IGF2R: variants seen among roughly 807,000 people sequenced by gnomAD.
IGF2R encodes the protein cation-independent mannose-6-phosphate receptor.
In IGF2R, 91 loss-of-function variants were observed where a neutral mutation model predicts 270.6. The ratio of observed to expected loss-of-function variants is 0.34; its 90% CI spans 0.28 to 0.40. The LOEUF (loss-of-function observed/expected upper bound fraction) is 0.40, where lower values mean the gene tolerates loss of function less well. Ranked by LOEUF, IGF2R falls within the 10% of genes least tolerant of loss-of-function variation. The pLI, the probability that IGF2R is intolerant of heterozygous loss-of-function variation, is 1.00. For missense variants in IGF2R, 2,805 were observed against 3,188.3 expected (o/e 0.88, Z 2.90); for synonymous variants, 1,316 against 1,258.9 (o/e 1.05, Z -0.96).
At position 159,994,222 on chromosome 6, in the gene IGF2R, G is replaced by A. The variant is rs1784019483; in HGVS notation, c.289+2899G>A. Among the ~76,000 whole-genome samples, 3 of 151,554 alleles carry A rather than the reference G, an allele frequency of 2.0e-5. No individual in the cohort carries two copies. In the South Asian group the frequency reaches 6.3e-4, roughly 32 times the overall value. On this transcript the variant is annotated intron_variant, in intron 2 of 47. Transcript: ENST00000356956. ...CCAGGAATGTATCCATTTCCTCTAG[G>A]TTTTCTAGTTTTTGAGTGTAGAGAT...
chr6:160,029,432 T>C lies in IGF2R; in HGVS notation c.777-118T>C. 3 of 605,480 alleles carry C rather than the reference T, an allele frequency of 5.0e-6. No individual in the cohort carries two copies. In the South Asian group the frequency reaches 6.0e-5, roughly 12 times the overall value. The allele number at this position is 605,480 out of a possible 1,614,324, so 37.5% of individuals were successfully genotyped here. A position where few individuals can be genotyped will look rare whatever the true frequency, so the allele number is the denominator to read the frequency against. ...CCATATCTACTTTTATATTTTAATA[T>C]TTCTTCTGTTACCCTCTCCTCCCCC... On this transcript the variant is annotated intron_variant, in intron 6 of 47. Transcript: ENST00000356956.
chr6:160,016,137 G>A (rs1011189588), intron 4 of IGF2R, among the ~76,000 whole-genome samples: 1 of 152,196 alleles, frequency 6.6e-6, no homozygotes, highest in South Asian at 2.1e-4. Context: ...TGCTGCCAGC[G>A]ATGGGCCACA....
intron 22 of IGF2R, among the ~76,000 whole-genome samples, chr6:160,060,345 T>C (rs1264550430): frequency 6.6e-6 from 1 of 152,274 alleles, no homozygotes; most frequent in Non-Finnish European, 1.5e-5. Flanking sequence ...AAACCTGTCA[T>C]AGGCCACTGT....
In IGF2R at chr6:160,062,414, C is replaced by T. The variant is rs887692918; in HGVS notation, c.3583-118C>T. 1.5e-5 allele frequency: 11 copies of T among 724,412 alleles called. No homozygotes were observed. In the African/African-American group the frequency reaches 1.6e-4, roughly 11 times the overall value. 44.9% of individuals were successfully genotyped at this position (724,412 alleles called of 1,614,324 possible). A position where few individuals can be genotyped will look rare whatever the true frequency, so the allele number is the denominator to read the frequency against. ...ATCTTGAACTCCTGAACTTGTGATC[C>T]ACCCGTCTCGGCCTCCCAAAGTGCT... On this transcript the variant is annotated intron_variant, in intron 25 of 47. Transcript: ENST00000356956.
At chr6:160,046,374 C>G in intron 14 of IGF2R, 124 bp from the exon 15 acceptor site, 3 of 881,220 alleles carry the variant, frequency 3.4e-6, no homozygotes, top group Non-Finnish European at 5.1e-6. Flanking sequence ...TCTGCCTCCT[C>G]CACTTCTTCC....
In IGF2R at chr6:160,093,906, G is replaced by A. The variant is rs1266021208; in HGVS notation, c.6656-2533G>A. ...ACCATTCAGGAGGCTGATCAGCATG[G>A]GGACAGTGCCATATCTTTATCACAG... On this transcript the variant is annotated intron_variant, in intron 44 of 47. Coordinates refer to ENST00000356956, the MANE Select transcript of IGF2R (RefSeq NM_000876.4). 5 of 719,014 alleles carry A rather than the reference G, an allele frequency of 7.0e-6. No homozygotes were observed. The African/African-American group carries it at 8.7e-5, about 13-fold the overall frequency. 44.5% of individuals were successfully genotyped at this position (719,014 alleles called of 1,614,324 possible). A position where few individuals can be genotyped will look rare whatever the true frequency, so the allele number is the denominator to read the frequency against.
chr6:160,057,757 A>G (rs4709395), intron 20 of IGF2R, among the ~76,000 whole-genome samples: 33,368 of 152,176 alleles, frequency 0.22, 4,002 homozygotes, highest in Middle Eastern at 0.31. Context: ...GGGAGTAGCA[A>G]TAGTCTTCTT....
intron 17 of IGF2R, among the ~76,000 whole-genome samples, chr6:160,048,167 G>C (rs2115249319): frequency 6.6e-6 from 1 of 152,304 alleles, no homozygotes; most frequent in South Asian, 2.1e-4. Context: ...AGAGGCACGG[G>C]GGACAGTTAA....
At chr6:160,021,227 C>T (rs1439254313) in intron 4 of IGF2R, among the ~76,000 whole-genome samples, 2 of 151,786 alleles carry the variant, frequency 1.3e-5, no homozygotes, top group Non-Finnish European at 2.9e-5. Flanking sequence ...GAGAAATATA[C>T]AAATTATTAT....
intron 10 of IGF2R, among the ~76,000 whole-genome samples, chr6:160,039,941 A>G (rs761661657): frequency 1.3e-5 from 2 of 152,192 alleles, no homozygotes; most frequent in African/African-American, 2.4e-5. Context: ...GGAGGGTGTT[A>G]CAGACAGGTG....
chr6:160,021,082 A>G (rs1388994239), intron 4 of IGF2R, among the ~76,000 whole-genome samples: 1 of 152,212 alleles, frequency 6.6e-6, no homozygotes, highest in Non-Finnish European at 1.5e-5. Flanking sequence ...GAATCTACAA[A>G]GAATGCAGAC....
At chr6:160,059,186 C>G in intron 22 of IGF2R, 88 bp downstream of exon 22, 2 of 1,097,932 alleles carry the variant, frequency 1.8e-6, no homozygotes, top group South Asian at 2.9e-5. Flanking sequence ...GTAGGATGTG[C>G]ACATCCCCCG....
At position 160,105,416 on chromosome 6, in the gene IGF2R, C is replaced by T. The variant is rs8191957; in HGVS notation, c.*332C>T. ...GAAGAAACCCTTGCTGCTTTAGTCCCGATAGGGTATTTGACCCCGATATAT... is the reference window on the plus strand; with the variant it reads ...GAAGAAACCCTTGCTGCTTTAGTCCTGATAGGGTATTTGACCCCGATATAT... On this transcript the variant is annotated 3_prime_UTR_variant, in exon 48 of 48. Coordinates refer to ENST00000356956, the MANE Select transcript of IGF2R (RefSeq NM_000876.4). The T allele has an allele frequency of 2.7e-5, 6 of 225,006 alleles. No homozygotes were observed. In the South Asian group the frequency reaches 5.5e-4, roughly 21 times the overall value. 13.9% of individuals were successfully genotyped at this position (225,006 alleles called of 1,614,324 possible). A position where few individuals can be genotyped will look rare whatever the true frequency, so the allele number is the denominator to read the frequency against.
chr6:160,048,562 C>A lies in IGF2R; in HGVS notation c.2514+19C>A. The A allele has an allele frequency of 6.2e-7, 1 of 1,610,252 alleles. No homozygotes were observed. The highest frequency in any genetic ancestry group is 8.5e-7 in the Non-Finnish European group (1 of 1,177,778). On this transcript the variant is annotated intron_variant, in intron 18 of 47. Coordinates refer to ENST00000356956, the MANE Select transcript of IGF2R (RefSeq NM_000876.4). ...AGATCAGGTGAATCTGTTTTCACTG[C>A]TTGTCTCCTTTGCCCTCCTAATTCC... is the stretch of plus-strand genomic sequence containing the variant.
chr6:160,099,791 T>A (rs996487786), intron 45 of IGF2R, among the ~76,000 whole-genome samples: 1 of 152,252 alleles, frequency 6.6e-6, no homozygotes, highest in Admixed American at 6.5e-5. Context: ...CACACTGTAC[T>A]GGACAACAGT....
chr6:160,014,013 T>C (rs1777211211), intron 4 of IGF2R, among the ~76,000 whole-genome samples: 1 of 152,236 alleles, frequency 6.6e-6, no homozygotes. Flanking sequence ...TACTAATGTC[T>C]CATTTATTTA....
chr6:160,017,711 T>G (rs1256852662), intron 4 of IGF2R, among the ~76,000 whole-genome samples: 1 of 152,086 alleles, frequency 6.6e-6, no homozygotes, highest in African/African-American at 2.4e-5. Flanking sequence ...TTCAAGGTGC[T>G]TAAGGAAAAA....
Position 160,104,953 on chromosome 6 carries a change from G to T in IGF2R, c.7345G>T (p.Asp2449Tyr). ...CAATGCCCTTCAGGAGCGTGAGGACGATAGGGTGGGGCTGGTCAGGGGTGA... is the reference window on the plus strand; with the variant it reads ...CAATGCCCTTCAGGAGCGTGAGGACTATAGGGTGGGGCTGGTCAGGGGTGA... The part of the protein sequence containing the change: ...QSNALQERED[D>Y]RVGLVRGEKA... Residue 2449 changes from aspartate to tyrosine, a missense_variant, in exon 48 of 48, where the codon GAT (aspartate) becomes TAT (tyrosine). Asp to Tyr is a radical substitution (Grantham distance 160). Transcript: ENST00000356956. 1.9e-6 allele frequency: 3 copies of T among 1,614,100 alleles called. No homozygotes were observed. The highest frequency in any genetic ancestry group is 2.5e-6 in the Non-Finnish European group (3 of 1,180,022).
Position 160,025,731 on chromosome 6 carries a change from T to C in IGF2R, c.646+1027T>C, listed in dbSNP as rs551427131. Among the ~76,000 whole-genome samples the C allele has an allele frequency of 1.1e-4, 16 of 152,316 alleles. No homozygotes were observed. In the South Asian group the frequency reaches 3.3e-3, roughly 32 times the overall value. On this transcript the variant is annotated intron_variant, in intron 5 of 47. Coordinates refer to ENST00000356956, the MANE Select transcript of IGF2R (RefSeq NM_000876.4). ...TTTTGTTCTCCAAGGATAACCTTTATTGATTTTTTGGAAAAAGACTAATAC... is the reference window on the plus strand; with the variant it reads ...TTTTGTTCTCCAAGGATAACCTTTACTGATTTTTTGGAAAAAGACTAATAC...
Sources: gnomAD v4.1 joint callset for allele counts (sites outside exome capture counted in the v4.1 genomes callset) on GRCh38, gnomAD v4.1.1 for gene constraint, MANE v1.5 for transcripts, NCBI Gene and HGNC (gene_info 2026-07-23, HGNC 2026-07-21) for gene names.